PHACTR1: variants seen among roughly 807,000 people sequenced by gnomAD.
PHACTR1 encodes phosphatase and actin regulator 1.
Under a neutral mutation model 69.2 loss-of-function variants are expected in PHACTR1, and 16 were observed. That is an observed-to-expected ratio of 0.23 (90% confidence interval 0.16 to 0.35). The LOEUF (loss-of-function observed/expected upper bound fraction) is 0.35. Ranked by LOEUF, PHACTR1 falls within the 10% of genes least tolerant of loss-of-function variation. The pLI, the probability that PHACTR1 is intolerant of heterozygous loss-of-function variation, is 1.00. For synonymous variants in PHACTR1, 312 were observed against 284.5 expected (o/e 1.10, Z -0.97); for missense variants, 510 against 734.7 (o/e 0.69, Z 3.54).
chr6:12,874,114 T>C (rs1782318885), intron 4 of PHACTR1, among the ~76,000 whole-genome samples: 1 of 152,224 alleles, frequency 6.6e-6, no homozygotes, highest in South Asian at 2.1e-4. Flanking sequence ...TAAATGCGGA[T>C]TGTGATTCAG....
chr6:12,833,739 G>A (rs1443081793), intron 4 of PHACTR1, among the ~76,000 whole-genome samples: 2 of 152,242 alleles, frequency 1.3e-5, no homozygotes, highest in East Asian at 3.9e-4. Flanking sequence ...TCTTCATAGG[G>A]CAGCTGGGGT....
intron 4 of PHACTR1, among the ~76,000 whole-genome samples, chr6:12,890,589 A>G (rs935487280): frequency 1.9e-4 from 29 of 152,050 alleles, no homozygotes; most frequent in African/African-American, 6.0e-4. Context: ...ACACAAACAC[A>G]TCAAACACAT....
intron 7 of PHACTR1, among the ~76,000 whole-genome samples, chr6:13,198,867 T>C (rs1350603852): frequency 6.6e-6 from 1 of 152,240 alleles, no homozygotes; most frequent in African/African-American, 2.4e-5. Context: ...TATCTTATAC[T>C]TTTTAGACCA....
chr6:12,952,810 C>T (rs1791447187), intron 4 of PHACTR1, among the ~76,000 whole-genome samples: 1 of 152,154 alleles, frequency 6.6e-6, no homozygotes, highest in Non-Finnish European at 1.5e-5. Context: ...AGTGTCTGTA[C>T]CATTTTGAGT....
intron 4 of PHACTR1, among the ~76,000 whole-genome samples, chr6:12,974,851 G>T (rs928647374): frequency 1.3e-4 from 20 of 152,160 alleles, no homozygotes; most frequent in Non-Finnish European, 4.4e-5. Flanking sequence ...TCAGTAAAAG[G>T]TGTTATTTTC....
intron 4 of PHACTR1, among the ~76,000 whole-genome samples, chr6:12,988,738 G>A (rs1219397525): frequency 1.3e-5 from 2 of 152,180 alleles, no homozygotes; most frequent in Non-Finnish European, 2.9e-5. Context: ...AGTCATGTTC[G>A]AATTTCAGCA....
At chr6:12,858,147 C>G (rs1347223466) in intron 4 of PHACTR1, among the ~76,000 whole-genome samples, 1 of 152,110 alleles carries the variant, frequency 6.6e-6, no homozygotes, top group Non-Finnish European at 1.5e-5. Flanking sequence ...ATGAGTTTGG[C>G]AGAAGGCTGG....
intron 3 of PHACTR1, among the ~76,000 whole-genome samples, chr6:12,738,461 C>G (rs1250335671): frequency 1.3e-5 from 2 of 152,200 alleles, no homozygotes; most frequent in African/African-American, 4.8e-5. Flanking sequence ...GAGTTAGCAT[C>G]CCTTATCAGT....
At chr6:12,799,001 C>A in intron 4 of PHACTR1, among the ~76,000 whole-genome samples, 1 of 152,056 alleles carries the variant, frequency 6.6e-6, no homozygotes, top group Non-Finnish European at 1.5e-5. Context: ...CTTTTCTTTC[C>A]TTTGTGAAGA....
intron 4 of PHACTR1, among the ~76,000 whole-genome samples, chr6:12,930,618 G>T (rs1788763626): frequency 1.3e-5 from 2 of 152,326 alleles, no homozygotes; most frequent in South Asian, 4.1e-4. Context: ...TAACTGGTTG[G>T]AAGGGCTGGA....
chr6:12,775,038 G>A (rs566382671), intron 4 of PHACTR1, among the ~76,000 whole-genome samples: 78 of 152,272 alleles, frequency 5.1e-4, no homozygotes, highest in African/African-American at 1.8e-3. Flanking sequence ...TCGGGCAGGA[G>A]CCTCTCAGGG....
chr6:12,993,024 A>G (rs1371345164), intron 4 of PHACTR1, among the ~76,000 whole-genome samples: 5 of 152,334 alleles, frequency 3.3e-5, no homozygotes, highest in Admixed American at 2.0e-4. Context: ...AGGAAGATAG[A>G]GCCTCCATGT....
At chr6:13,015,111 A>G (rs1799992728) in intron 4 of PHACTR1, among the ~76,000 whole-genome samples, 3 of 152,290 alleles carry the variant, frequency 2.0e-5, no homozygotes, top group Admixed American at 1.3e-4. Flanking sequence ...AGATTTTCCT[A>G]TCAGCTAGGC....
At chr6:13,143,090 A>G (rs961318867) in intron 5 of PHACTR1, among the ~76,000 whole-genome samples, 6 of 152,208 alleles carry the variant, frequency 3.9e-5, no homozygotes, top group African/African-American at 1.2e-4. Context: ...AATTGAACTC[A>G]TGGAGTTAGA....
intron 4 of PHACTR1, among the ~76,000 whole-genome samples, chr6:12,876,580 A>C (rs1782547242): frequency 1.3e-5 from 2 of 152,234 alleles, no homozygotes; most frequent in African/African-American, 4.8e-5. Flanking sequence ...AAGGCCAAGC[A>C]TGCAGATATT....
rs1160733480 is a variant in PHACTR1 at position 13,246,453 on chromosome 6, A to C, written c.1391+16260A>C. The stretch of plus-strand genomic sequence containing the variant: ...CATTACAGCTGAGCAAAGTCTCATT[A>C]ATCATTTTGAAAACTAGGCAGGTAC... On this transcript the variant is annotated intron_variant, in intron 10 of 14. Coordinates refer to ENST00000332995, the MANE Select transcript of PHACTR1 (RefSeq NM_030948.6). This position sits in a 1 kb window ranked among gnomAD's most constrained non-coding sequence, Gnocchi z 4.2. Among the ~76,000 whole-genome samples, 5 of 152,256 alleles carry C rather than the reference A, an allele frequency of 3.3e-5. No individual in the cohort carries two copies. The highest frequency in any genetic ancestry group is 1.5e-5 in the Non-Finnish European group (1 of 68,040).
At chr6:13,095,357 A>G (rs1008170708) in intron 5 of PHACTR1, among the ~76,000 whole-genome samples, 1 of 152,162 alleles carries the variant, frequency 6.6e-6, no homozygotes, top group Non-Finnish European at 1.5e-5. Context: ...GAGTGATTTA[A>G]ATTTTGAGTA....
intron 4 of PHACTR1, among the ~76,000 whole-genome samples, chr6:12,750,492 T>G: frequency 7.8e-6 from 1 of 128,992 alleles, no homozygotes; most frequent in Admixed American, 9.8e-5. Flanking sequence ...AGTGGGGCGC[T>G]AGGGAAGAAA....
At chr6:13,146,787 A>C (rs1561898844) in intron 5 of PHACTR1, among the ~76,000 whole-genome samples, 1 of 152,162 alleles carries the variant, frequency 6.6e-6, no homozygotes, top group Non-Finnish European at 1.5e-5. Flanking sequence ...TACTTCCTAC[A>C]TCTGGAAGGA....
Sources: allele counts gnomAD v4.1 joint callset (sites outside exome capture counted in the v4.1 genomes callset), GRCh38; gene constraint gnomAD v4.1.1; non-coding constraint Gnocchi (gnomAD v3.1); transcripts MANE v1.5; gene names NCBI Gene and HGNC (gene_info 2026-07-23, HGNC 2026-07-21).